ANKRD10: variants seen among roughly 807,000 people sequenced by gnomAD.
The protein encoded by ANKRD10 is ankyrin repeat domain-containing protein 10.
ANKRD10 carries 14 observed loss-of-function variants against 27.0 expected under a neutral mutation model. The observed-to-expected ratio is 0.52, with a 90% confidence interval of 0.34 to 0.81. The LOEUF is 0.81. Among genes scored for constraint, ANKRD10 ranks in the 40% least tolerant of loss-of-function variants. The pLI is 0.01. For missense variants in ANKRD10, 493 were observed against 544.0 expected, an observed-to-expected ratio of 0.91 and a Z score of 0.93; for synonymous variants, 250 against 224.5, an observed-to-expected ratio of 1.11 and a Z score of -1.01.
intron 3 of ANKRD10, among the ~76,000 whole-genome samples, chr13:110,905,757 T>C (rs1025349365): frequency 6.6e-6 from 1 of 152,136 alleles, no homozygotes; most frequent in African/African-American, 2.4e-5. Flanking sequence ...AAAGTAATGA[T>C]GCCAAGTTCC....
At chr13:110,880,267 A>C (rs1450926618) in intron 5 of ANKRD10, among the ~76,000 whole-genome samples, 155 bp from the exon 6 acceptor site, 1 of 152,206 alleles carries the variant, frequency 6.6e-6, no homozygotes, top group African/African-American at 2.4e-5. Context: ...AATGTGCATA[A>C]GTAGACTTAC....
intron 3 of ANKRD10, among the ~76,000 whole-genome samples, chr13:110,899,566 T>C (rs1332613985): frequency 6.6e-6 from 1 of 152,222 alleles, no homozygotes; most frequent in Non-Finnish European, 1.5e-5. Flanking sequence ...AGTTCTAAAA[T>C]TAACTTTCTT....
chr13:110,891,850 A>C (rs1273533581), intron 4 of ANKRD10, among the ~76,000 whole-genome samples: 1 of 147,424 alleles, frequency 6.8e-6, no homozygotes, highest in East Asian at 2.0e-4. Context: ...CCAAGCTATC[A>C]CATTTACCTT....
At chr13:110,892,755 A>G in intron 4 of ANKRD10, 1 of 1,131,098 alleles carries the variant, frequency 8.8e-7, no homozygotes, top group Non-Finnish European at 1.1e-6. Context: ...AAATTAAAAA[A>G]TCTAATTCAT....
chr13:110,885,410 T>C (rs1011634049), intron 4 of ANKRD10, among the ~76,000 whole-genome samples: 1 of 151,910 alleles, frequency 6.6e-6, no homozygotes, highest in Non-Finnish European at 1.5e-5. Context: ...TAGCCAGGCG[T>C]GGTGGCGAGT....
Position 110,894,228 on chromosome 13 carries a change from G to C in ANKRD10, c.456-965C>G. ...CTGTAAAAAAGCAGACATCCTGTTA[G>C]CTGCAGGTTGATAAACAAACGGGAG... On this transcript the variant is annotated intron_variant, in intron 3 of 5. Transcript: ENST00000267339. 3 of 1,526,374 alleles carry C rather than the reference G, an allele frequency of 2.0e-6. No homozygotes were observed. The South Asian group carries it at 3.4e-5, about 17-fold the overall frequency. The allele number at this position is 1,526,374 out of a possible 1,614,324, so 94.6% of individuals were successfully genotyped here.
chr13:110,897,872 T>C (rs1321179326), intron 3 of ANKRD10, among the ~76,000 whole-genome samples: 2 of 152,250 alleles, frequency 1.3e-5, no homozygotes, highest in Non-Finnish European at 2.9e-5. Context: ...TACTGTCTTT[T>C]GGTAACTGTC....
In ANKRD10 at chr13:110,907,079, C is replaced by CTTTTTTTTTTTTTTT; in HGVS notation, c.364-970_364-956dup. Among the ~76,000 whole-genome samples the CTTTTTTTTTTTTTTT allele has an allele frequency of 8.1e-3, 2 of 248 alleles. 1 individual carries two copies. Among genetic ancestry groups the CTTTTTTTTTTTTTTT allele is most frequent in the African/African-American group, 8.7e-3 (2 of 230 alleles). The allele number at this position is 248 out of a possible 152,430, so 0.2% of individuals were successfully genotyped here. A position where few individuals can be genotyped will look rare whatever the true frequency, so the allele number is the denominator to read the frequency against. On this transcript the variant is annotated intron_variant, in intron 2 of 5. Transcript: ENST00000267339. ...TCCTGGGGGCTCCACAGCAACACTT[C>CTTTTTTTTTTTTTTT]TTTTTTTTTTTTTTTTTTTTGAGAC...
At chr13:110,883,893 T>C in intron 4 of ANKRD10, 100 bp from the exon 5 acceptor site, 1 of 1,236,906 alleles carries the variant, frequency 8.1e-7, no homozygotes, top group Admixed American at 2.6e-5. Context: ...CTGAACACTT[T>C]AAACAATCAC....
intron 1 of ANKRD10, among the ~76,000 whole-genome samples, chr13:110,913,473 A>G (rs558428669): frequency 6.6e-6 from 1 of 152,372 alleles, no homozygotes; most frequent in South Asian, 2.1e-4. Context: ...GGAACCTAAC[A>G]GCCCTTGAGG....
intron 4 of ANKRD10, 36 bp downstream of exon 4, chr13:110,892,992 A>G (rs546045485): frequency 5.6e-6 from 9 of 1,604,920 alleles, no homozygotes; most frequent in Admixed American, 1.7e-5. Flanking sequence ...GAAAGGAAAA[A>G]TAAGTGTGCT....
At chr13:110,902,268 G>C (rs1263550188) in intron 3 of ANKRD10, among the ~76,000 whole-genome samples, 1 of 152,096 alleles carries the variant, frequency 6.6e-6, no homozygotes, top group African/African-American at 2.4e-5. Context: ...ATTTTGCTAA[G>C]GGCAAAAGTC....
Position 110,880,099 on chromosome 13 carries a change from A to C in ANKRD10, c.801T>G (p.Ser267Arg). ...EFAVVTDMKN[S>R]SSVSNTLTNG... ...TTGTCAATGTATTCGATACGGAGCT[A>C]CTGTTTTTCATATCTGCATTAAGAA... Residue 267 changes from serine to arginine, a missense_variant, in exon 6 of 6, where the codon AGT becomes AGG. Ser to Arg is a moderately radical substitution (Grantham distance 110, BLOSUM62 -1). Coordinates refer to ENST00000267339, the MANE Select transcript of ANKRD10 (RefSeq NM_017664.4). The C allele has an allele frequency of 6.2e-7, 1 of 1,612,644 alleles. No homozygotes were observed. Among genetic ancestry groups the C allele is most frequent in the Non-Finnish European group, 8.5e-7 (1 of 1,178,764 alleles).
At chr13:110,902,968 G>A (rs578205535) in intron 3 of ANKRD10, among the ~76,000 whole-genome samples, 73 of 152,242 alleles carry the variant, frequency 4.8e-4, no homozygotes, top group African/African-American at 1.7e-3. Flanking sequence ...TCCAAGGCCC[G>A]AATTCTATTT....
At chr13:110,885,069 G>A (rs2138823289) in intron 4 of ANKRD10, among the ~76,000 whole-genome samples, 1 of 152,258 alleles carries the variant, frequency 6.6e-6, no homozygotes, top group South Asian at 2.1e-4. Context: ...GTCTGATTAG[G>A]TAGGAGGCCA....
At chr13:110,908,033 G>A (rs531910154) in intron 2 of ANKRD10, among the ~76,000 whole-genome samples, 6 of 152,156 alleles carry the variant, frequency 3.9e-5, no homozygotes, top group South Asian at 2.1e-4. Flanking sequence ...AGAAAGGCCC[G>A]GACATCCTGA....
At chr13:110,911,377 A>T (rs895017895) in intron 1 of ANKRD10, among the ~76,000 whole-genome samples, 4 of 152,092 alleles carry the variant, frequency 2.6e-5, no homozygotes, top group Non-Finnish European at 5.9e-5. Flanking sequence ...GCTTGAACCC[A>T]GAAGGCGGAG....
intron 3 of ANKRD10, chr13:110,900,464 G>C: frequency 1.8e-6 from 2 of 1,130,784 alleles, no homozygotes; most frequent in Non-Finnish European, 2.2e-6. Context: ...AGCAAAGCAT[G>C]CAAATCTAAA....
chr13:110,911,193 T>TA (rs1220983255), intron 1 of ANKRD10, among the ~76,000 whole-genome samples: 1 of 152,208 alleles, frequency 6.6e-6, no homozygotes, highest in Non-Finnish European at 1.5e-5. Flanking sequence ...CTCATGCCTG[T>TA]AATCCTAGCA....
Sources: gnomAD v4.1 joint callset for allele counts (sites outside exome capture counted in the v4.1 genomes callset) on GRCh38, gnomAD v4.1.1 for gene constraint, MANE v1.5 for transcripts, NCBI Gene and HGNC (gene_info 2026-07-23, HGNC 2026-07-21) for gene names.